Variants in PRICKLE4 observed in about 807,000 individuals in gnomAD.
PRICKLE4 encodes the protein prickle-like protein 4.
In PRICKLE4, 40 loss-of-function variants were observed where a neutral mutation model predicts 43.5. The ratio of observed to expected loss-of-function variants is 0.92; its 90% CI spans 0.71 to 1.20. The LOEUF is 1.20. Among genes scored for constraint, PRICKLE4 ranks in the 50% most tolerant of loss-of-function variants. The pLI, the probability that PRICKLE4 is intolerant of heterozygous loss-of-function variation, is 0.00. For synonymous variants in PRICKLE4, 208 were observed against 197.4 expected (o/e 1.05, Z -0.45); for missense variants, 527 against 491.2 (o/e 1.07, Z -0.69).
Position 41,787,078 on chromosome 6 carries a change from C to T in PRICKLE4, c.1104C>T (p.Ser368=). The T allele has an allele frequency of 6.2e-7, 1 of 1,612,660 alleles. No homozygotes were observed. Among genetic ancestry groups the T allele is most frequent in the Non-Finnish European group, 8.5e-7 (1 of 1,179,936 alleles). ...RLPQSWKTPG[S]LQAEDSNASK... The stretch of plus-strand genomic sequence containing the variant: ...CCCAGTCCTGGAAGACCCCCGGAAG[C>T]CTCCAAGCAGAGGACAGCAACGCCT... Residue 368 remains serine (S), a synonymous_variant, in exon 8 of 8, where the codon AGC becomes AGT. Coordinates refer to ENST00000458694, the MANE Select transcript of PRICKLE4 (RefSeq NM_013397.6).
At chr6:41,785,152 T>C (rs1202066743) in intron 5 of PRICKLE4, 80 bp downstream of exon 5, 2 of 1,584,070 alleles carry the variant, frequency 1.3e-6, no homozygotes, top group Admixed American at 2.0e-5. Context: ...TGGGCTAGCT[T>C]CTGGGATTCT....
rs763262117 is a variant in PRICKLE4 at position 41,785,027 on chromosome 6, A to G, written c.333A>G (p.Val111=). The stretch of plus-strand genomic sequence containing the variant: ...AGCAGGAAGCCCTGGGACAGGGGGT[A>G]GCCCGCCTGGTACTTCCCAAGCTTG... ...RRKQEALGQG[V]ARLVLPKLEG... is the part of the protein sequence containing the mutation. Residue 111 remains valine, a synonymous_variant, in exon 5 of 8, where the codon GTA becomes GTG. Coordinates refer to ENST00000458694, the MANE Select transcript of PRICKLE4 (RefSeq NM_013397.6). The G allele has an allele frequency of 3.1e-6, 5 of 1,613,382 alleles. No individual in the cohort carries two copies. The African/African-American group carries it at 4.0e-5, about 13-fold the overall frequency.
chr6:41,782,238 AT>A (rs1458869740), intron 2 of PRICKLE4, among the ~76,000 whole-genome samples: 1 of 151,088 alleles, frequency 6.6e-6, no homozygotes, highest in East Asian at 1.9e-4. Context: ...CGCCCAGCTT[AT>A]TTTTGTATTT....
At chr6:41,786,620 G>A (rs1772656976) in intron 7 of PRICKLE4, 142 bp from the exon 8 acceptor site, 2 of 1,376,238 alleles carry the variant, frequency 1.5e-6, no homozygotes, top group African/African-American at 1.5e-5. Context: ...GGGGGACCCT[G>A]GCGAGGACTC....
intron 3 of PRICKLE4, 51 bp downstream of exon 3, chr6:41,783,656 G>A (rs1446029399): frequency 6.2e-7 from 1 of 1,613,806 alleles, no homozygotes; most frequent in Non-Finnish European, 8.5e-7. Context: ...CTATCCTGTG[G>A]AGTGGCCACC....
At position 41,782,415 on chromosome 6, in the gene PRICKLE4, A is replaced by G. The variant is rs1302611629; in HGVS notation, c.-13+895A>G. Among the ~76,000 whole-genome samples the G allele has an allele frequency of 5.1e-5, 4 of 78,474 alleles. No individual in the cohort carries two copies. In the South Asian group the frequency reaches 1.3e-3, roughly 26 times the overall value. 51.5% of individuals were successfully genotyped at this position (78,474 alleles called of 152,430 possible). On this transcript the variant is annotated intron_variant, in intron 2 of 7. Transcript: ENST00000458694. Reference sequence around the variant, plus strand: ...TTTTTTTTTTTTTTTTTTGAGACGGAGTCTTGCTCTGTCGCCCAGGCTGGA... The same window carrying G: ...TTTTTTTTTTTTTTTTTTGAGACGGGGTCTTGCTCTGTCGCCCAGGCTGGA...
Position 41,786,801 on chromosome 6 carries a change from C to A in PRICKLE4, c.827C>A (p.Thr276Asn). The part of the protein sequence containing the change: ...GLDRTEGRDQ[T>N]SVNSATLSRT... The stretch of plus-strand genomic sequence containing the variant: ...GACCGAACTGAAGGAAGGGACCAAA[C>A]CTCGGTGAACTCTGCAACCCTCTCC... The change falls in exon 8 of 8, where the codon ACC becomes AAC. Residue 276 changes from threonine to asparagine, a missense_variant. Physicochemically the swap from Thr to Asn is moderately conservative, Grantham distance 65 (BLOSUM62 0). Coordinates refer to ENST00000458694, the MANE Select transcript of PRICKLE4 (RefSeq NM_013397.6). 1 of 1,608,604 alleles carries A rather than the reference C, an allele frequency of 6.2e-7. No individual in the cohort carries two copies. The highest frequency in any genetic ancestry group is 8.5e-7 in the Non-Finnish European group (1 of 1,177,884).
At chr6:41,781,805 C>T (rs988570298) in intron 2 of PRICKLE4, among the ~76,000 whole-genome samples, 1 of 152,162 alleles carries the variant, frequency 6.6e-6, no homozygotes, top group Non-Finnish European at 1.5e-5. Flanking sequence ...AGTTAATTAA[C>T]TTGTTTCAAC....
intron 7 of PRICKLE4, 143 bp downstream of exon 7, chr6:41,786,475 G>A (rs956987578): frequency 1.8e-6 from 2 of 1,095,318 alleles, no homozygotes; most frequent in Non-Finnish European, 1.3e-6. Flanking sequence ...CCCAAGCCTC[G>A]GGGCCCGCAG....
rs755722786 is a variant in PRICKLE4, at chr6:41,783,539, A to C, written c.66A>C (p.Pro22=). ...GCCCCAAGCCCCAGGATCCAGGTCCACCAGCCAACTCAGACAGTGACTCAG... is the reference window on the plus strand; with the variant it reads ...GCCCCAAGCCCCAGGATCCAGGTCCCCCAGCCAACTCAGACAGTGACTCAG... ...EDSPKPQDPG[P]PANSDSDSGH... is the part of the protein sequence containing the mutation. The change falls in exon 3 of 8, where the codon CCA becomes CCC. Residue 22 remains proline, a synonymous_variant. Coordinates refer to ENST00000458694, the MANE Select transcript of PRICKLE4 (RefSeq NM_013397.6). 1.2e-6 allele frequency: 2 copies of C among 1,611,380 alleles called. No individual in the cohort carries two copies. The highest frequency in any genetic ancestry group is 3.3e-5 in the Admixed American group (2 of 59,962).
In PRICKLE4 at chr6:41,780,831, G is replaced by A. The variant is rs1772536331; in HGVS notation, c.-184+5G>A. ...GGACAGCGACGCACAGCGAGGGTGA[G>A]ACCCCAGCGGAGTCCTGGTCCCCTC... On this transcript the variant is annotated splice_donor_5th_base_variant and intron_variant, in intron 1 of 7. Coordinates refer to ENST00000458694, the MANE Select transcript of PRICKLE4 (RefSeq NM_013397.6). 5.1e-6 allele frequency: 1 copy of A among 194,848 alleles called. No individual in the cohort carries two copies. Among genetic ancestry groups the A allele is most frequent in the African/African-American group, 2.4e-5 (1 of 41,886 alleles). The allele number at this position is 194,848 out of a possible 1,614,324, so 12.1% of individuals were successfully genotyped here.
Position 41,785,001 on chromosome 6 carries a change from A to T in PRICKLE4, c.307A>T (p.Lys103Ter). The T allele has an allele frequency of 6.2e-7, 1 of 1,613,638 alleles. No individual in the cohort carries two copies. Among genetic ancestry groups the T allele is most frequent in the Non-Finnish European group, 8.5e-7 (1 of 1,179,846 alleles). ...AELQLFCARR[K>*]QEALGQGVAR... ...GCTGCAGCTCTTCTGTGCCAGGCGG[A>T]AGCAGGAAGCCCTGGGACAGGGGGT... is the stretch of plus-strand genomic sequence containing the variant. The change falls in exon 5 of 8, where the codon AAG (lysine) becomes TAG (stop). Residue 103 changes from lysine (K) to a stop codon, truncating the protein, a stop_gained. Transcript: ENST00000458694. LOFTEE classifies it high-confidence loss of function.
At position 41,785,030 on chromosome 6, in the gene PRICKLE4, C is replaced by T. The variant is rs1328527572; in HGVS notation, c.336C>T (p.Ala112=). The stretch of plus-strand genomic sequence containing the variant: ...AGGAAGCCCTGGGACAGGGGGTAGC[C>T]CGCCTGGTACTTCCCAAGCTTGAAG... ...RKQEALGQGV[A]RLVLPKLEGH... is the part of the protein sequence containing the mutation. The change falls in exon 5 of 8, where the codon GCC becomes GCT. Residue 112 remains alanine, a synonymous_variant. Coordinates refer to ENST00000458694, the MANE Select transcript of PRICKLE4 (RefSeq NM_013397.6). The T allele has an allele frequency of 1.2e-6, 2 of 1,613,070 alleles. No homozygotes were observed. The highest frequency in any genetic ancestry group is 1.7e-6 in the Non-Finnish European group (2 of 1,179,702).
rs1287436639 is a variant in PRICKLE4, at chr6:41,787,373, AC to A, written c.*249del. 1.6e-6 allele frequency: 1 copy of A among 630,932 alleles called. No individual in the cohort carries two copies. Among genetic ancestry groups the A allele is most frequent in the African/African-American group, 1.8e-5 (1 of 54,284 alleles). 39.1% of individuals were successfully genotyped at this position (630,932 alleles called of 1,614,324 possible). A position where few individuals can be genotyped will look rare whatever the true frequency, so the allele number is the denominator to read the frequency against. On this transcript the variant is annotated 3_prime_UTR_variant, in exon 8 of 8. Transcript: ENST00000458694. ...CGCTTCCCCTGCTGAGATAGCCCCT[AC>A]CCCCACCTCCACAGGCTGGGACAGC...
rs763961187 is a variant in PRICKLE4 at position 41,784,924 on chromosome 6, T to C, written c.241-11T>C. ...AGCTCTCCCAGTAATTGTAGAGGAC[T>C]GTTTCTGCAGGAGCGCTACTGCCTG... On this transcript the variant is annotated splice_polypyrimidine_tract_variant and intron_variant, in intron 4 of 7. Transcript: ENST00000458694. 6.2e-7 allele frequency: 1 copy of C among 1,613,594 alleles called. No homozygotes were observed. The highest frequency in any genetic ancestry group is 8.5e-7 in the Non-Finnish European group (1 of 1,179,892).
At chr6:41,782,067 C>CTTTT (rs557402339) in intron 2 of PRICKLE4, among the ~76,000 whole-genome samples, 8 of 122,238 alleles carry the variant, frequency 6.5e-5, no homozygotes, top group Non-Finnish European at 1.2e-4. Flanking sequence ...TTAATAGTCG[C>CTTTT]TTTTTTTTTT....
rs150368829 is a variant in PRICKLE4, at chr6:41,783,481, T to G, written c.8T>G (p.Val3Gly). 1.6e-3 allele frequency: 2,448 copies of G among 1,518,612 alleles called. 15 individuals are homozygous for G. The African/African-American group carries it at 0.02, about 12-fold the overall frequency. The allele number at this position is 1,518,612 out of a possible 1,614,324, so 94.1% of individuals were successfully genotyped here. A position where few individuals can be genotyped will look rare whatever the true frequency, so the allele number is the denominator to read the frequency against. ...GGGTAGGCTTTGCCACAAATGTCAG[T>G]GCAGAACTCTGGCTGGCCCCACCAA... is the stretch of plus-strand genomic sequence containing the variant. MS[V>G]QNSGWPHQED... Residue 3 changes from valine to glycine, a missense_variant, in exon 3 of 8, where the codon GTG becomes GGG. Coordinates refer to ENST00000458694, the MANE Select transcript of PRICKLE4 (RefSeq NM_013397.6).
rs746903653 is a variant in PRICKLE4 at position 41,784,113 on chromosome 6, T to C, written c.133-18T>C. ...AAAAACCTAGTTTCACTCCTCCCCT[T>C]CTTCCATGTCTCCTCAGGGTCCTGC... On this transcript the variant is annotated intron_variant, in intron 3 of 7. Transcript: ENST00000458694. The C allele has an allele frequency of 3.2e-6, 5 of 1,576,546 alleles. No homozygotes were observed. Among genetic ancestry groups the C allele is most frequent in the Admixed American group, 1.8e-5 (1 of 54,706 alleles).
intron 5 of PRICKLE4, 83 bp downstream of exon 5, chr6:41,785,155 G>A: frequency 1.3e-6 from 2 of 1,584,350 alleles, no homozygotes; most frequent in Non-Finnish European, 1.7e-6. Context: ...GCTAGCTTCT[G>A]GGATTCTGGT....
Sources: allele counts gnomAD v4.1 joint callset (sites outside exome capture counted in the v4.1 genomes callset), GRCh38; gene constraint gnomAD v4.1.1; transcripts MANE v1.5; gene names NCBI Gene and HGNC (gene_info 2026-07-23, HGNC 2026-07-21).